Variants in SYT7 observed in about 807,000 individuals in gnomAD.
The protein encoded by SYT7 is synaptotagmin 7, also known as synaptotagmin-7.
Under a neutral mutation model 75.1 loss-of-function variants are expected in SYT7, and 29 were observed. The observed-to-expected ratio is 0.39, with a 90% CI of 0.29 to 0.53. The LOEUF (loss-of-function observed/expected upper bound fraction) is 0.53, where lower values mean the gene tolerates loss of function less well. Ranked by LOEUF, SYT7 falls within the 20% of genes least tolerant of loss-of-function variation. The pLI, the probability that SYT7 is intolerant of heterozygous loss-of-function variation, is 0.77. For synonymous variants in SYT7, 376 were observed against 401.7 expected (o/e 0.94, Z 0.76); for missense variants, 693 against 953.2 (o/e 0.73, Z 3.59).
chr11:61,514,029 C>T lies in SYT7; in HGVS notation c.*4598G>A, dbSNP rs2062103481. ...GGGGGGACTCACAGGAGAAAGAAAACACCAGAGGGCGGTGGTCCCAGGTAC... is the reference window on the plus strand; with the variant it reads ...GGGGGGACTCACAGGAGAAAGAAAATACCAGAGGGCGGTGGTCCCAGGTAC... On this transcript the variant is annotated 3_prime_UTR_variant, in exon 13 of 13. Coordinates refer to ENST00000539008, the MANE Select transcript of SYT7 (RefSeq NM_001365809.2). Among the ~76,000 whole-genome samples the T allele has an allele frequency of 6.6e-6, 1 of 152,042 alleles. No homozygotes were observed. The highest frequency in any genetic ancestry group is 1.9e-4 in the East Asian group (1 of 5,192).
upstream of SYT7, among the ~76,000 whole-genome samples, chr11:61,584,256 G>T (rs190253970): frequency 6.6e-6 from 1 of 151,788 alleles, no homozygotes; most frequent in Non-Finnish European, 1.5e-5. Context: ...TTAGCCGGGC[G>T]TGGTGGCATG....
At chr11:61,533,358 T>G in intron 7 of SYT7, 2 of 985,368 alleles carry the variant, frequency 2.0e-6, no homozygotes, top group Non-Finnish European at 2.4e-6. Flanking sequence ...ACTACTCCTA[T>G]AGGGGATATT....
Position 61,513,958 on chromosome 11 carries a change from G to A in SYT7, c.*4669C>T, listed in dbSNP as rs2924439. Among the ~76,000 whole-genome samples the A allele has an allele frequency of 0.62, 93,905 of 151,808 alleles. 30,395 individuals carry two copies. Among genetic ancestry groups the A allele is most frequent in the Middle Eastern group, 0.75 (220 of 294 alleles). On this transcript the variant is annotated 3_prime_UTR_variant, in exon 13 of 13. Coordinates refer to ENST00000539008, the MANE Select transcript of SYT7 (RefSeq NM_001365809.2). The stretch of plus-strand genomic sequence containing the variant: ...GTCTTTGCGTGGGAGGGAGAGGAGC[G>A]CAGGACGTAACCCAGGACAGCCTTC...
chr11:61,547,099 T>G (rs1209603861), intron 4 of SYT7, 78 bp downstream of exon 4: 40 of 1,432,800 alleles, frequency 2.8e-5, no homozygotes, highest in African/African-American at 1.5e-4. Flanking sequence ...GGTCCAGAGG[T>G]GGGTGGGGGC....
intron 1 of SYT7, among the ~76,000 whole-genome samples, chr11:61,563,425 C>T (rs1401736382): frequency 1.3e-5 from 2 of 152,206 alleles, no homozygotes; most frequent in African/African-American, 4.8e-5. Flanking sequence ...TGAGTGCACA[C>T]AATGTGGCAG....
At chr11:61,581,139 G>A, upstream of SYT7, 1 of 167,978 alleles carries the variant, frequency 6.0e-6, no homozygotes, top group African/African-American at 2.4e-5. Context: ...GCGTGTGTGA[G>A]CGCGCCCGGG....
chr11:61,563,423 C>T (rs548060460), intron 1 of SYT7, among the ~76,000 whole-genome samples: 17 of 152,220 alleles, frequency 1.1e-4, no homozygotes, highest in Non-Finnish European at 2.4e-4. Flanking sequence ...GTTGAGTGCA[C>T]ACAATGTGGC....
At chr11:61,587,587 C>T in the SYT7 span, among the ~76,000 whole-genome samples, 1 of 152,264 alleles carries the variant, frequency 6.6e-6, no homozygotes, top group Non-Finnish European at 1.5e-5. Flanking sequence ...GCTCCTGGTC[C>T]TCCAGGGCCG....
At chr11:61,581,158 G>A (rs187323891), upstream of SYT7, 134 of 153,310 alleles carry the variant, frequency 8.7e-4, no homozygotes, top group African/African-American at 3.2e-3. Context: ...GGGCACCGCC[G>A]GCGCCGCCCG....
intron 6 of SYT7, among the ~76,000 whole-genome samples, chr11:61,541,988 A>AG (rs571989497): frequency 3.0e-4 from 45 of 152,204 alleles, no homozygotes; most frequent in African/African-American, 1.0e-3. Flanking sequence ...TAGAGCACTG[A>AG]GGGGCAGGGG....
intron 1 of SYT7, among the ~76,000 whole-genome samples, chr11:61,561,391 C>T (rs1268242994): frequency 6.6e-6 from 1 of 152,170 alleles, no homozygotes; most frequent in Non-Finnish European, 1.5e-5. Flanking sequence ...TCTACCCAGG[C>T]CTGTGGTAGG....
chr11:61,525,618 G>C (rs2062492020), intron 9 of SYT7: 2 of 152,004 alleles, frequency 1.3e-5, no homozygotes, highest in Admixed American at 6.6e-5. Flanking sequence ...CGCGGTAATA[G>C]ATTTCTCTGT....
Position 61,524,344 on chromosome 11 carries a change from C to A in SYT7, c.1641+19G>T. The A allele has an allele frequency of 6.2e-7, 1 of 1,613,356 alleles. No homozygotes were observed. The highest frequency in any genetic ancestry group is 8.5e-7 in the Non-Finnish European group (1 of 1,179,620). ...TGCCCTGCTGCCTGTCCAGCTAAGA[C>A]CCACCCATGGGGCCTTACACTCCCA... On this transcript the variant is annotated intron_variant, in intron 10 of 12. Transcript: ENST00000539008. The surrounding 1 kb of genome is among the most constrained non-coding windows in gnomAD (Gnocchi z 4.1).
At chr11:61,561,498 C>T (rs143931312) in intron 1 of SYT7, among the ~76,000 whole-genome samples, 2 of 152,118 alleles carry the variant, frequency 1.3e-5, no homozygotes, top group Non-Finnish European at 2.9e-5. Flanking sequence ...GGCCATGCCA[C>T]CCCCCAAGGA....
chr11:61,547,499 TACACGC>T (rs150704667), intron 3 of SYT7, among the ~76,000 whole-genome samples, 191 bp from the exon 4 acceptor site: 3 of 151,990 alleles, frequency 2.0e-5, no homozygotes, highest in Non-Finnish European at 4.4e-5. Context: ...CACGCACGCA[TACACGC>T]ACACGCACAC....
chr11:61,526,713 A>G (rs1161887438), intron 9 of SYT7: 1 of 152,086 alleles, frequency 6.6e-6, no homozygotes, highest in East Asian at 1.9e-4. Flanking sequence ...GCCTACATAT[A>G]CCTCCAGACA....
chr11:61,522,176 T>C (rs1221804122), intron 12 of SYT7, among the ~76,000 whole-genome samples: 1 of 150,140 alleles, frequency 6.7e-6, no homozygotes, highest in African/African-American at 2.5e-5. Flanking sequence ...TTACGTGATA[T>C]GAAGAGATCA....
At position 61,580,342 on chromosome 11, in the gene SYT7, C is replaced by T. The variant is rs1434364511; in HGVS notation, c.31+448G>A. Among the ~76,000 whole-genome samples the T allele has an allele frequency of 6.6e-6, 1 of 152,114 alleles. No individual in the cohort carries two copies. The highest frequency in any genetic ancestry group is 1.5e-5 in the Non-Finnish European group (1 of 68,016). On this transcript the variant is annotated intron_variant, in intron 1 of 12. Transcript: ENST00000539008. This position sits in a 1 kb window ranked among gnomAD's most constrained non-coding sequence, Gnocchi z 6.1. ...TCAATTCACAGTTGGCACTGCGATG[C>T]CACTCCGCTCCCCTGTGCCCGCAAC... is the stretch of plus-strand genomic sequence containing the variant.
chr11:61,518,879 C>T (rs562292223), intron 12 of SYT7, 148 bp from the exon 13 acceptor site: 4 of 491,434 alleles, frequency 8.1e-6, no homozygotes, highest in East Asian at 3.4e-5. Context: ...CCCACAGAGG[C>T]GCTCTCCTCC....
Sources: allele counts gnomAD v4.1 joint callset (sites outside exome capture counted in the v4.1 genomes callset), GRCh38; gene constraint gnomAD v4.1.1; non-coding constraint Gnocchi (gnomAD v3.1); transcripts MANE v1.5; gene names NCBI Gene and HGNC (gene_info 2026-07-23, HGNC 2026-07-21).